Variants in SH2B3 observed in about 807,000 individuals in gnomAD.
SH2B3 encodes the protein SH2B adapter protein 3.
In SH2B3, 43 loss-of-function variants were observed where a neutral mutation model predicts 51.9. That is an observed-to-expected ratio of 0.83 (90% CI 0.65 to 1.07). The LOEUF is 1.07. Ranked by LOEUF, SH2B3 falls within the 50% of genes least tolerant of loss-of-function variation. SH2B3 has a pLI of 0.00. For missense variants in SH2B3, 952 were observed against 834.3 expected (o/e 1.14, Z -1.74); for synonymous variants, 396 against 376.0 (o/e 1.05, Z -0.62).
chr12:111,430,420 G>C (rs975740439), intron 2 of SH2B3, among the ~76,000 whole-genome samples: 1 of 152,214 alleles, frequency 6.6e-6, no homozygotes, highest in African/African-American at 2.4e-5. Context: ...AACAAGGGGG[G>C]AGGTAATTAA....
chr12:111,449,717 A>C lies in SH2B3; in HGVS notation c.*1415A>C, dbSNP rs1162204469. ...CAGGCTCACAGCAGTGGCTTCTAGG[A>C]AACTGGGAGTTTAGATCAGCTTTAC... On this transcript the variant is annotated 3_prime_UTR_variant, in exon 8 of 8. Transcript: ENST00000341259. 6.6e-6 allele frequency: 1 copy of C among 152,136 alleles called. No individual in the cohort carries two copies. The highest frequency in any genetic ancestry group is 1.5e-5 in the Non-Finnish European group (1 of 68,050). 9.4% of individuals were successfully genotyped at this position (152,136 alleles called of 1,614,324 possible).
At chr12:111,419,077 G>T (rs1180413499) in intron 2 of SH2B3, among the ~76,000 whole-genome samples, 200 bp downstream of exon 2, 1 of 149,692 alleles carries the variant, frequency 6.7e-6, no homozygotes, top group African/African-American at 2.5e-5. Flanking sequence ...TTGGGAGGCC[G>T]AGGCAGGAGG....
At position 111,450,386 on chromosome 12, in the gene SH2B3, GAGTA is replaced by G. The variant is rs903197435; in HGVS notation, c.*2091_*2094del. 7.9e-5 allele frequency: 12 copies of G among 152,214 alleles called. No individual in the cohort carries two copies. The highest frequency in any genetic ancestry group is 3.3e-4 in the Admixed American group (5 of 15,276). The allele number at this position is 152,214 out of a possible 1,614,324, so 9.4% of individuals were successfully genotyped here. ...GAATGCTAATTAGTGTGAACCAAAA[GAGTA>G]AGTAAGAGTCTGAAGTTTTTTTAAA... On this transcript the variant is annotated 3_prime_UTR_variant, in exon 8 of 8. Transcript: ENST00000341259.
intron 1 of SH2B3, among the ~76,000 whole-genome samples, 180 bp from the exon 2 acceptor site, chr12:111,417,939 T>C (rs1285675455): frequency 6.6e-6 from 1 of 152,208 alleles, no homozygotes; most frequent in Non-Finnish European, 1.5e-5. Context: ...TCTGCCAAAT[T>C]GGCCATGCCC....
chr12:111,445,289 G>A (rs1873829622), intron 2 of SH2B3, among the ~76,000 whole-genome samples: 1 of 152,190 alleles, frequency 6.6e-6, no homozygotes, highest in Non-Finnish European at 1.5e-5. Context: ...TGGAAAAGTA[G>A]CAGAAGGAAG....
intron 1 of SH2B3, among the ~76,000 whole-genome samples, chr12:111,413,290 C>T (rs1870838485): frequency 1.3e-5 from 2 of 152,236 alleles, no homozygotes; most frequent in Non-Finnish European, 2.9e-5. Flanking sequence ...GTTACAGCTA[C>T]TCTGGAGGCT....
chr12:111,444,498 T>C (rs573820242), intron 2 of SH2B3, among the ~76,000 whole-genome samples: 1 of 152,312 alleles, frequency 6.6e-6, no homozygotes, highest in African/African-American at 2.4e-5. Context: ...AAACCACAAA[T>C]ACCTGAAATG....
chr12:111,441,148 A>G (rs1053030406), intron 2 of SH2B3, among the ~76,000 whole-genome samples: 2 of 149,568 alleles, frequency 1.3e-5, no homozygotes, highest in African/African-American at 2.6e-5. Flanking sequence ...AGGCCGAGGC[A>G]GAAGGATCAC....
chr12:111,412,707 C>T (rs1013772551), intron 1 of SH2B3, among the ~76,000 whole-genome samples: 3 of 152,084 alleles, frequency 2.0e-5, no homozygotes, highest in Admixed American at 2.0e-4. Context: ...GTAGCTGGGA[C>T]TACAGGCCCA....
At chr12:111,416,873 G>C (rs921871854) in intron 1 of SH2B3, among the ~76,000 whole-genome samples, 4 of 152,270 alleles carry the variant, frequency 2.6e-5, no homozygotes, top group African/African-American at 9.6e-5. Context: ...CAGGCTTCTT[G>C]GTTACTTCCC....
At position 111,418,993 on chromosome 12, in the gene SH2B3, C is replaced by T; in HGVS notation, c.732+116C>T. The T allele has an allele frequency of 1.1e-5, 11 of 1,015,262 alleles. No individual in the cohort carries two copies. Among genetic ancestry groups the T allele is most frequent in the Non-Finnish European group, 1.4e-5 (11 of 760,318 alleles). The allele number at this position is 1,015,262 out of a possible 1,614,324, so 62.9% of individuals were successfully genotyped here. The stretch of plus-strand genomic sequence containing the variant: ...TTCCAGCTGGTGGCCACAGAGTGTC[C>T]AGAGGGAACTAGGCCCTCTTAAAAA... On this transcript the variant is annotated intron_variant, in intron 2 of 7. Transcript: ENST00000341259. This position sits in a 1 kb window ranked among gnomAD's most constrained non-coding sequence, Gnocchi z 6.7.
chr12:111,434,079 T>C (rs1684463176), intron 2 of SH2B3, among the ~76,000 whole-genome samples: 1 of 152,238 alleles, frequency 6.6e-6, no homozygotes, highest in Admixed American at 6.5e-5. Flanking sequence ...GCACTGGGTA[T>C]TATTTTAAAA....
rs1211246404 is a variant in SH2B3, at chr12:111,430,417, G to T, written c.732+11540G>T. 2.0e-5 allele frequency among the ~76,000 whole-genome samples: 3 copies of T among 152,304 alleles called. No homozygotes were observed. In the East Asian group the frequency reaches 5.8e-4, roughly 29 times the overall value. ...AGAAAGTGCCCTGAATCCAACAAGG[G>T]GGGAGGTAATTAAGTTATTATGGTC... is the stretch of plus-strand genomic sequence containing the variant. On this transcript the variant is annotated intron_variant, in intron 2 of 7. Coordinates refer to ENST00000341259, the MANE Select transcript of SH2B3 (RefSeq NM_005475.3).
At chr12:111,424,861 G>T (rs1227401648) in intron 2 of SH2B3, among the ~76,000 whole-genome samples, 2 of 152,342 alleles carry the variant, frequency 1.3e-5, no homozygotes, top group Admixed American at 6.5e-5. Context: ...AAAAGGAAAA[G>T]AAAGTTCTGA....
At chr12:111,420,033 T>C (rs1267921907) in intron 2 of SH2B3, among the ~76,000 whole-genome samples, 3 of 152,200 alleles carry the variant, frequency 2.0e-5, no homozygotes, top group Non-Finnish European at 2.9e-5. Flanking sequence ...TGTGGGCTGG[T>C]AGCAGGTCAC....
intron 2 of SH2B3, among the ~76,000 whole-genome samples, chr12:111,437,048 G>C (rs887909243): frequency 6.6e-6 from 1 of 152,088 alleles, no homozygotes; most frequent in Non-Finnish European, 1.5e-5. Context: ...GTATTTGGGG[G>C]TGTCACACTC....
In SH2B3 at chr12:111,449,832, CTT is replaced by C. The variant is rs1874414815; in HGVS notation, c.*1531_*1532del. The C allele has an allele frequency of 6.6e-6, 1 of 152,216 alleles. No homozygotes were observed. The highest frequency in any genetic ancestry group is 1.5e-5 in the Non-Finnish European group (1 of 68,080). The allele number at this position is 152,216 out of a possible 1,614,324, so 9.4% of individuals were successfully genotyped here. A position where few individuals can be genotyped will look rare whatever the true frequency, so the allele number is the denominator to read the frequency against. The stretch of plus-strand genomic sequence containing the variant: ...AGGAGGGTTAGGTCTGCTTCTTCCA[CTT>C]ATACTTAGTCTCTGTGCTCCAAGAG... On this transcript the variant is annotated 3_prime_UTR_variant, in exon 8 of 8. Transcript: ENST00000341259.
chr12:111,447,373 G>T lies in SH2B3; in HGVS notation c.1065G>T (p.Thr355=). 1 of 1,614,028 alleles carries T rather than the reference G, an allele frequency of 6.2e-7. No homozygotes were observed. The highest frequency in any genetic ancestry group is 8.5e-7 in the Non-Finnish European group (1 of 1,179,990). The part of the protein sequence containing the change: ...GGLLDPACQK[T]DHFLSCYPWF... ...TGCTGGACCCGGCCTGCCAGAAGAC[G>T]GACCATTTCCTGTCCTGCTACCCCT... is the stretch of plus-strand genomic sequence containing the variant. Residue 355 remains threonine (T), a synonymous_variant, in exon 6 of 8, where the codon ACG becomes ACT. Coordinates refer to ENST00000341259, the MANE Select transcript of SH2B3 (RefSeq NM_005475.3).
At chr12:111,430,317 G>A (rs1033032438) in intron 2 of SH2B3, among the ~76,000 whole-genome samples, 4 of 152,182 alleles carry the variant, frequency 2.6e-5, no homozygotes, top group African/African-American at 4.8e-5. Flanking sequence ...AGAAACCCCC[G>A]ACCGCGCTGA....
Sources: allele counts gnomAD v4.1 joint callset (sites outside exome capture counted in the v4.1 genomes callset), GRCh38; gene constraint gnomAD v4.1.1; non-coding constraint Gnocchi (gnomAD v3.1); transcripts MANE v1.5; gene names NCBI Gene and HGNC (gene_info 2026-07-23, HGNC 2026-07-21).